SOX5: variants seen among roughly 807,000 people sequenced by gnomAD.
SOX5 encodes the protein transcription factor SOX-5.
SOX5 carries 9 observed loss-of-function variants against 92.0 expected under a neutral mutation model. The ratio of observed to expected loss-of-function variants is 0.10; its 90% CI spans 0.06 to 0.17. SOX5 has a LOEUF of 0.17. Ranked by LOEUF, SOX5 falls within the 10% of genes least tolerant of loss-of-function variation. The pLI, the probability that SOX5 is intolerant of heterozygous loss-of-function variation, is 1.00. For synonymous variants in SOX5, 344 were observed against 336.3 expected (o/e 1.02, Z -0.25); for missense variants, 642 against 944.5 (o/e 0.68, Z 4.20).
At chr12:24,232,898 C>A (rs1402984772) in intron 3 of SOX5, among the ~76,000 whole-genome samples, 1 of 152,168 alleles carries the variant, frequency 6.6e-6, no homozygotes, top group Non-Finnish European at 1.5e-5. Flanking sequence ...CTATGCCCAC[C>A]CTTCCACATG....
At chr12:23,903,218 A>G (rs903783157) in intron 1 of SOX5, among the ~76,000 whole-genome samples, 7 of 152,208 alleles carry the variant, frequency 4.6e-5, no homozygotes, top group Non-Finnish European at 7.4e-5. Flanking sequence ...ATAGATAGAT[A>G]ATAGATGATA....
intron 4 of SOX5, among the ~76,000 whole-genome samples, chr12:23,994,498 C>T (rs985185764): frequency 1.3e-5 from 2 of 152,010 alleles, no homozygotes; most frequent in South Asian, 4.2e-4. Flanking sequence ...TTATCTGTAT[C>T]GGTTAAATAC....
chr12:24,153,546 A>T (rs915191826), intron 4 of SOX5, among the ~76,000 whole-genome samples: 1 of 152,164 alleles, frequency 6.6e-6, no homozygotes, highest in Non-Finnish European at 1.5e-5. Context: ...TATCCTAGCC[A>T]TGACCTACCC....
intron 8 of SOX5, among the ~76,000 whole-genome samples, chr12:23,628,476 T>A (rs75691374): frequency 6.6e-6 from 1 of 152,066 alleles, no homozygotes; most frequent in Non-Finnish European, 1.5e-5. Flanking sequence ...GAAGTTCTAG[T>A]AGTAGAGAAA....
intron 1 of SOX5, among the ~76,000 whole-genome samples, chr12:23,908,443 C>T (rs1331562392): frequency 2.6e-5 from 4 of 151,864 alleles, no homozygotes; most frequent in Admixed American, 2.6e-4. Context: ...AAATTCTGGC[C>T]AATTTAGGGG....
intron 4 of SOX5, among the ~76,000 whole-genome samples, chr12:24,187,729 T>A (rs750994448): frequency 6.6e-6 from 1 of 152,150 alleles, no homozygotes; most frequent in Non-Finnish European, 1.5e-5. Flanking sequence ...TTTGAGGTTG[T>A]CTGCTGTTTG....
chr12:23,731,390 A>G (rs2093387146), intron 6 of SOX5, among the ~76,000 whole-genome samples: 2 of 152,112 alleles, frequency 1.3e-5, no homozygotes, highest in South Asian at 4.1e-4. Context: ...ATTTATATCT[A>G]TCTATATCAT....
At chr12:23,609,233 T>C (rs2075661421) in intron 8 of SOX5, among the ~76,000 whole-genome samples, 1 of 152,146 alleles carries the variant, frequency 6.6e-6, no homozygotes, top group Admixed American at 6.6e-5. Context: ...AAAATAACAT[T>C]AGTTTTGTAG....
At chr12:24,334,800 A>G (rs1162282941) in intron 2 of SOX5, among the ~76,000 whole-genome samples, 3 of 152,158 alleles carry the variant, frequency 2.0e-5, no homozygotes, top group Non-Finnish European at 4.4e-5. Context: ...CCACATGACA[A>G]CAAAGCATTA....
intron 4 of SOX5, among the ~76,000 whole-genome samples, chr12:24,177,552 GCTA>G (rs1017410775): frequency 2.0e-5 from 3 of 152,130 alleles, no homozygotes; most frequent in African/African-American, 7.2e-5. Flanking sequence ...TTAGAGCCAT[GCTA>G]CTATTTTCAT....
intron 3 of SOX5, among the ~76,000 whole-genome samples, chr12:23,757,589 CA>C (rs1177532551): frequency 2.0e-5 from 3 of 151,848 alleles, no homozygotes; most frequent in Non-Finnish European, 4.4e-5. Flanking sequence ...CAGCACTCTA[CA>C]AAAATTCTTG....
At chr12:23,979,696 A>AT (rs1248234590) in intron 4 of SOX5, among the ~76,000 whole-genome samples, 4 of 27,428 alleles carry the variant, frequency 1.5e-4, no homozygotes, top group Non-Finnish European at 2.2e-4. Context: ...ATATATATAT[A>AT]TGTTTTTTTT....
intron 1 of SOX5, chr12:24,562,284 C>CAACAACATCGGGACG (rs1248556305): frequency 1.3e-5 from 2 of 152,342 alleles, no homozygotes; most frequent in Non-Finnish European, 2.9e-5. Flanking sequence ...GGTCTGCCCA[C>CAACAACATCGGGACG]AACAACATCG....
intron 2 of SOX5, among the ~76,000 whole-genome samples, chr12:24,318,931 C>T (rs996905347): frequency 1.3e-5 from 2 of 152,202 alleles, no homozygotes; most frequent in African/African-American, 4.8e-5. Flanking sequence ...AATATTTACT[C>T]ATCCCCCAAT....
intron 3 of SOX5, among the ~76,000 whole-genome samples, chr12:23,760,868 T>C (rs1035522707): frequency 1.3e-5 from 2 of 152,134 alleles, no homozygotes; most frequent in Non-Finnish European, 2.9e-5. Flanking sequence ...TTGCTTTGTG[T>C]TTATGTAGGT....
intron 4 of SOX5, among the ~76,000 whole-genome samples, chr12:24,095,493 G>T (rs1000282750): frequency 6.6e-6 from 1 of 150,836 alleles, no homozygotes; most frequent in Non-Finnish European, 1.5e-5. Flanking sequence ...ACACAGTCTG[G>T]GTTTTAGTTT....
chr12:24,486,110 T>A (rs1296650412), intron 1 of SOX5, among the ~76,000 whole-genome samples: 70 of 150,420 alleles, frequency 4.7e-4, no homozygotes, highest in Non-Finnish European at 2.9e-5. Context: ...TAATTTTTAA[T>A]TTTTTTTGTA....
chr12:23,976,443 C>T (rs923695419), intron 4 of SOX5, among the ~76,000 whole-genome samples: 4 of 99,696 alleles, frequency 4.0e-5, no homozygotes, highest in African/African-American at 1.5e-4. Flanking sequence ...GGAAGGTAAA[C>T]AGGATGAGGA....
At chr12:23,619,887 T>C (rs1003412409) in intron 8 of SOX5, among the ~76,000 whole-genome samples, 12 of 152,194 alleles carry the variant, frequency 7.9e-5, no homozygotes, top group African/African-American at 2.4e-4. Context: ...TTCATGCTTT[T>C]ATTCATGGAA....
Sources: allele counts gnomAD v4.1 joint callset (sites outside exome capture counted in the v4.1 genomes callset), GRCh38; gene constraint gnomAD v4.1.1; transcripts MANE v1.5; gene names NCBI Gene and HGNC (gene_info 2026-07-23, HGNC 2026-07-21).